SLC37A3: variants seen among roughly 807,000 people sequenced by gnomAD.
The protein encoded by SLC37A3 is sugar phosphate exchanger 3.
Under a neutral mutation model 67.1 loss-of-function variants are expected in SLC37A3, and 51 were observed. The observed-to-expected ratio is 0.76, with a 90% confidence interval of 0.61 to 0.96. The LOEUF is 0.96. SLC37A3 is among the 40% of genes least tolerant of loss of function. The pLI, the probability that SLC37A3 is intolerant of heterozygous loss-of-function variation, is 0.00. For missense variants in SLC37A3, 508 were observed against 603.0 expected (o/e 0.84, Z 1.65); for synonymous variants, 214 against 231.4 (o/e 0.92, Z 0.68).
chr7:140,380,218 A>G (rs1798195373), intron 3 of SLC37A3, 64 bp downstream of exon 3: 1 of 960,638 alleles, frequency 1.0e-6, no homozygotes. Flanking sequence ...AAAGAGCTTA[A>G]GAACAATCTA....
chr7:140,335,145 T>C lies in SLC37A3; in HGVS notation c.*267A>G, dbSNP rs1796081485. On this transcript the variant is annotated 3_prime_UTR_variant, in exon 15 of 15. Coordinates refer to ENST00000326232, the MANE Select transcript of SLC37A3 (RefSeq NM_207113.3). ...AGGCCAAACAAAGACGCGGGCAGAG[T>C]CAGAGGTCAAAGATGCTGGCAGAGT... The C allele has an allele frequency of 1.5e-6, 2 of 1,357,986 alleles. No individual in the cohort carries two copies. The highest frequency in any genetic ancestry group is 1.0e-6 in the Non-Finnish European group (1 of 993,846). 84.1% of individuals were successfully genotyped at this position (1,357,986 alleles called of 1,614,324 possible).
intron 3 of SLC37A3, among the ~76,000 whole-genome samples, chr7:140,378,656 G>C (rs892455109): frequency 1.3e-5 from 2 of 151,228 alleles, no homozygotes; most frequent in African/African-American, 4.9e-5. Flanking sequence ...AGAATCGCTT[G>C]AACCCGGGAG....
At chr7:140,366,579 C>CA (rs1797610908) in intron 4 of SLC37A3, among the ~76,000 whole-genome samples, 3 of 151,884 alleles carry the variant, frequency 2.0e-5, no homozygotes, top group South Asian at 2.1e-4. Context: ...AACTAAACAC[C>CA]AAAAAAAGGT....
intron 8 of SLC37A3, 40 bp from the exon 9 acceptor site, chr7:140,351,491 C>T (rs1171364170): frequency 2.5e-6 from 4 of 1,593,668 alleles, no homozygotes; most frequent in Non-Finnish European, 3.4e-6. Context: ...GGAGTGCCTA[C>T]CACGTGTGAA....
intron 4 of SLC37A3, among the ~76,000 whole-genome samples, chr7:140,367,785 C>G (rs928459900): frequency 6.6e-6 from 1 of 151,060 alleles, no homozygotes; most frequent in Non-Finnish European, 1.5e-5. Context: ...CGTGGAATGT[C>G]TCCCAGGGTG....
intron 2 of SLC37A3, among the ~76,000 whole-genome samples, chr7:140,381,885 G>A (rs1168473715): frequency 1.4e-4 from 21 of 151,444 alleles, no homozygotes; most frequent in Admixed American, 1.3e-3. Flanking sequence ...ATGGTGACAC[G>A]CACCTGTAAT....
In SLC37A3 at chr7:140,358,751, C is replaced by T. The variant is rs377001363; in HGVS notation, c.410G>A (p.Arg137His). 5.0e-6 allele frequency: 8 copies of T among 1,614,078 alleles called. No individual in the cohort carries two copies. Among genetic ancestry groups the T allele is most frequent in the Middle Eastern group, 1.6e-4 (1 of 6,062 alleles). ...FVFGALTEWL[R>H]FYNKWLYCCL... The stretch of plus-strand genomic sequence containing the variant: ...GCAGTACAGCCATTTGTTGTAGAAA[C>T]GCAGCCATTCTGTGAGCGCACCAAA... The change falls in exon 6 of 15, where the codon CGT becomes CAT. Residue 137 changes from arginine (R) to histidine (H), a missense_variant. Coordinates refer to ENST00000326232, the MANE Select transcript of SLC37A3 (RefSeq NM_207113.3).
chr7:140,353,115 A>C (rs1213870371), intron 7 of SLC37A3, among the ~76,000 whole-genome samples: 1 of 152,162 alleles, frequency 6.6e-6, no homozygotes, highest in African/African-American at 2.4e-5. Context: ...CTTTTAAAAG[A>C]GCGAACTTAC....
intron 1 of SLC37A3, among the ~76,000 whole-genome samples, chr7:140,384,519 CT>C (rs1798373198): frequency 6.6e-6 from 1 of 151,734 alleles, no homozygotes; most frequent in Admixed American, 6.6e-5. Context: ...TGAGAACAGC[CT>C]GGGCAACATA....
chr7:140,380,461 G>A, intron 2 of SLC37A3, 71 bp from the exon 3 acceptor site: 3 of 1,069,178 alleles, frequency 2.8e-6, no homozygotes, highest in Non-Finnish European at 4.1e-6. Flanking sequence ...CACAGGTATA[G>A]GCCCATTTCT....
chr7:140,375,171 C>CA (rs147837304), intron 3 of SLC37A3, among the ~76,000 whole-genome samples: 50,481 of 132,168 alleles, frequency 0.38, 10,040 homozygotes, highest in Middle Eastern at 0.47. Context: ...AAACAAAAAA[C>CA]AACAAAAAAA....
At chr7:140,344,369 A>C (rs1253081928) in intron 12 of SLC37A3, among the ~76,000 whole-genome samples, 1 of 152,208 alleles carries the variant, frequency 6.6e-6, no homozygotes, top group Non-Finnish European at 1.5e-5. Flanking sequence ...TGGAGGTTGC[A>C]GTTAGCTGAG....
intron 5 of SLC37A3, among the ~76,000 whole-genome samples, chr7:140,363,815 G>A (rs1797485082): frequency 6.7e-6 from 1 of 149,568 alleles, no homozygotes; most frequent in Non-Finnish European, 1.5e-5. Context: ...CTTGGCTGGA[G>A]CAAAGCGATG....
At chr7:140,343,925 A>G (rs1453621110) in intron 12 of SLC37A3, 1 of 222,268 alleles carries the variant, frequency 4.5e-6, no homozygotes, top group Admixed American at 5.5e-5. Context: ...ACACAAATTC[A>G]ACCAGGAATA....
intron 5 of SLC37A3, among the ~76,000 whole-genome samples, chr7:140,361,739 AC>A (rs1230790437): frequency 2.1e-5 from 3 of 144,224 alleles, no homozygotes; most frequent in Admixed American, 2.1e-4. Context: ...TTTGGTGGAG[AC>A]GGGGTTTTGC....
intron 5 of SLC37A3, among the ~76,000 whole-genome samples, chr7:140,361,870 G>T (rs1340688413): frequency 2.1e-5 from 3 of 144,714 alleles, no homozygotes; most frequent in Admixed American, 2.1e-4. Flanking sequence ...TGCCCAGGCT[G>T]GAGTGCAGTG....
rs948013978 is a variant in SLC37A3 at position 140,348,620 on chromosome 7, G to A, written c.1024+6C>T. The A allele has an allele frequency of 2.0e-5, 32 of 1,599,714 alleles. No homozygotes were observed. The highest frequency in any genetic ancestry group is 2.6e-5 in the Non-Finnish European group (30 of 1,175,814). On this transcript the variant is annotated splice_donor_region_variant and intron_variant, in intron 10 of 14. Transcript: ENST00000326232. ...TTATTATGGAAAAGATGTATCACCG[G>A]CATACCTATGATCCCTCCAACGTCG...
intron 1 of SLC37A3, among the ~76,000 whole-genome samples, chr7:140,396,364 A>C (rs1412426793): frequency 6.6e-6 from 1 of 152,098 alleles, no homozygotes; most frequent in Non-Finnish European, 1.5e-5. Flanking sequence ...ATACGAAGCC[A>C]TTTACTTGAA....
chr7:140,353,942 C>A (rs1201413591), intron 7 of SLC37A3, among the ~76,000 whole-genome samples: 1 of 152,136 alleles, frequency 6.6e-6, no homozygotes, highest in Non-Finnish European at 1.5e-5. Context: ...GAACTCCTGA[C>A]CTCGTGATCC....
Sources: allele counts gnomAD v4.1 joint callset (sites outside exome capture counted in the v4.1 genomes callset), GRCh38; gene constraint gnomAD v4.1.1; transcripts MANE v1.5; gene names NCBI Gene and HGNC (gene_info 2026-07-23, HGNC 2026-07-21).